The following MED13L variants were observed in gnomAD, a reference collection of about 807,000 sequenced individuals.
MED13L encodes the protein mediator of RNA polymerase II transcription subunit 13-like.
In MED13L, 7 loss-of-function variants were observed where a neutral mutation model predicts 220.9. The ratio of observed to expected loss-of-function variants is 0.03; its 90% CI spans 0.02 to 0.06. The LOEUF (loss-of-function observed/expected upper bound fraction) is 0.06, where lower values mean the gene tolerates loss of function less well. Ranked by LOEUF, MED13L falls within the 10% of genes least tolerant of loss-of-function variation. The probability of loss-of-function intolerance (pLI) is 1.00; values close to 1 mark genes in which losing one functional copy is unlikely to be tolerated. For synonymous variants in MED13L, 1,011 were observed against 1,015.2 expected, an observed-to-expected ratio of 1.00 and a Z score of 0.08; for missense variants, 1,965 against 2,760.5, an observed-to-expected ratio of 0.71 and a Z score of 6.46.
At chr12:116,190,760 A>G (rs1323833664) in intron 2 of MED13L, among the ~76,000 whole-genome samples, 1 of 152,180 alleles carries the variant, frequency 6.6e-6, no homozygotes, top group Non-Finnish European at 1.5e-5. Flanking sequence ...CAATCAAAGT[A>G]TGAGACTTTC....
intron 2 of MED13L, among the ~76,000 whole-genome samples, chr12:116,213,923 A>G (rs1297153142): frequency 6.6e-6 from 1 of 152,196 alleles, no homozygotes. Context: ...CAGAATTTAA[A>G]GTTCGTACCT....
chr12:116,254,189 G>GTACA (rs1871833283), intron 1 of MED13L, among the ~76,000 whole-genome samples: 1 of 152,078 alleles, frequency 6.6e-6, no homozygotes, highest in African/African-American at 2.4e-5. Context: ...AGGTAAGGAT[G>GTACA]TACACTCTTA....
intron 1 of MED13L, among the ~76,000 whole-genome samples, chr12:116,275,100 T>C (rs1873703984): frequency 6.6e-6 from 1 of 152,140 alleles, no homozygotes; most frequent in Non-Finnish European, 1.5e-5. Context: ...CCAGTCAGCA[T>C]AATATATGAT....
At chr12:116,078,163 A>T (rs1870959241) in intron 4 of MED13L, among the ~76,000 whole-genome samples, 1 of 150,256 alleles carries the variant, frequency 6.7e-6, no homozygotes, top group South Asian at 2.1e-4. Flanking sequence ...AAAAAAAAGG[A>T]AGGAAGAAAA....
At chr12:116,083,404 GAAAAAAAA>G (rs61301423) in intron 4 of MED13L, among the ~76,000 whole-genome samples, 65 of 79,378 alleles carry the variant, frequency 8.2e-4, no homozygotes, top group African/African-American at 2.7e-3. Flanking sequence ...TGTCTCGAGG[GAAAAAAAA>G]AAAAAAAAAA....
intron 27 of MED13L, among the ~76,000 whole-genome samples, chr12:115,969,587 T>A (rs949876761): frequency 2.1e-4 from 32 of 152,130 alleles, no homozygotes; most frequent in African/African-American, 7.7e-4. Context: ...CTCTTTTTTT[T>A]TTTTTGAGAT....
rs1877688688 is a variant in MED13L, at chr12:115,986,349, C to T, written c.4255G>A (p.Ala1419Thr). The change falls in exon 19 of 31, where the codon GCC (alanine) becomes ACC (threonine). Residue 1419 changes from alanine to threonine, a missense_variant. By Grantham distance (58) the Ala-to-Thr change is moderately conservative (BLOSUM62 0). Transcript: ENST00000281928. ...TTTTCTGGACACACCACAATATAGG[C>T]AACATCACGGTGGCCCCCATATGGG... Reference protein sequence around the residue: ...LDPYGGHRDVAYIVVCPENEA... With the variant: ...LDPYGGHRDVTYIVVCPENEA... 1.2e-6 allele frequency: 2 copies of T among 1,614,144 alleles called. No individual in the cohort carries two copies. The highest frequency in any genetic ancestry group is 1.7e-6 in the Non-Finnish European group (2 of 1,180,030).
At chr12:116,127,155 AAGAC>A (rs1875660283) in intron 2 of MED13L, among the ~76,000 whole-genome samples, 1 of 152,218 alleles carries the variant, frequency 6.6e-6, no homozygotes, top group African/African-American at 2.4e-5. Flanking sequence ...ATCACTTTAA[AAGAC>A]AGAGTTTTGA....
chr12:116,073,938 T>C (rs1870582948), intron 4 of MED13L, among the ~76,000 whole-genome samples: 1 of 152,212 alleles, frequency 6.6e-6, no homozygotes, highest in Admixed American at 6.5e-5. Flanking sequence ...CAGAGAAGAA[T>C]AAGATGTATC....
intron 2 of MED13L, among the ~76,000 whole-genome samples, chr12:116,170,884 G>A (rs531761372): frequency 8.3e-4 from 126 of 152,270 alleles, no homozygotes; most frequent in African/African-American, 3.0e-3. Context: ...TACAGGGCAT[G>A]AGCTGCAGCA....
chr12:116,062,008 GAAAAAA>G (rs71095507), intron 4 of MED13L, among the ~76,000 whole-genome samples: 3 of 96,614 alleles, frequency 3.1e-5, no homozygotes, highest in African/African-American at 1.2e-4. Flanking sequence ...ACTCCACATC[GAAAAAA>G]AAAAAAAAAA....
chr12:116,270,364 A>T (rs1873199526), intron 1 of MED13L, among the ~76,000 whole-genome samples: 1 of 152,018 alleles, frequency 6.6e-6, no homozygotes, highest in Non-Finnish European at 1.5e-5. Flanking sequence ...GGATGGTCTC[A>T]ATCTCCTGAC....
chr12:116,165,258 CCT>C (rs1491456826), intron 2 of MED13L, among the ~76,000 whole-genome samples: 4 of 116,610 alleles, frequency 3.4e-5, no homozygotes, highest in African/African-American at 1.3e-4. Context: ...TAGGCACCAT[CCT>C]TTTTTTTTTT....
At chr12:115,961,569 A>G in intron 30 of MED13L, 171 bp from the exon 31 acceptor site, 1 of 937,364 alleles carries the variant, frequency 1.1e-6, no homozygotes, top group Non-Finnish European at 1.6e-6. Flanking sequence ...CCTTCTAGAT[A>G]TGGACTATCC....
In MED13L at chr12:115,986,343, T is replaced by C. The variant is rs747089502; in HGVS notation, c.4261A>G (p.Ile1421Val). 20 of 1,613,948 alleles carry C rather than the reference T, an allele frequency of 1.2e-5. No homozygotes were observed. In the East Asian group the frequency reaches 2.5e-4, roughly 20 times the overall value. Residue 1421 changes from isoleucine (I) to valine (V), a missense_variant, in exon 19 of 31, where the codon ATT (isoleucine) becomes GTT (valine). Ile to Val is a conservative substitution (Grantham distance 29, BLOSUM62 3). This residue lies in a region of MED13L where 510 missense variants were observed against 620.4 expected (regional missense o/e 0.82). Coordinates refer to ENST00000281928, the MANE Select transcript of MED13L (RefSeq NM_015335.5). ...GCCTCATTTTCTGGACACACCACAA[T>C]ATAGGCAACATCACGGTGGCCCCCA... is the stretch of plus-strand genomic sequence containing the variant. ...PYGGHRDVAY[I>V]VVCPENEALL...
In MED13L at chr12:116,120,467, TCTCTCTCTCTCA is replaced by T. The variant is rs1448858837; in HGVS notation, c.311-8967_311-8956del. ...CTCTCTCTCTCTCTCTCTCTCTCTCTCTCTCTCTCTCACACACACACACACACACACACACAC... is the reference window on the plus strand; with the variant it reads ...CTCTCTCTCTCTCTCTCTCTCTCTCTCACACACACACACACACACACACAC... On this transcript the variant is annotated intron_variant, in intron 2 of 30. Coordinates refer to ENST00000281928, the MANE Select transcript of MED13L (RefSeq NM_015335.5). 7.3e-3 allele frequency among the ~76,000 whole-genome samples: 997 copies of T among 136,746 alleles called. 4 individuals are homozygous for T. The highest frequency in any genetic ancestry group is 0.024 in the African/African-American group (833 of 34,924). The allele number at this position is 136,746 out of a possible 152,430, so 89.7% of individuals were successfully genotyped here. A position where few individuals can be genotyped will look rare whatever the true frequency, so the allele number is the denominator to read the frequency against.
At chr12:115,987,407 C>A in intron 17 of MED13L, 119 bp from the exon 18 acceptor site, 1 of 926,208 alleles carries the variant, frequency 1.1e-6, no homozygotes, top group Non-Finnish European at 1.7e-6. Flanking sequence ...GTAGTAGATT[C>A]TAAAATATTT....
At chr12:116,198,171 T>TA (rs905645035) in intron 2 of MED13L, among the ~76,000 whole-genome samples, 13 of 151,604 alleles carry the variant, frequency 8.6e-5, no homozygotes, top group East Asian at 1.9e-4. Flanking sequence ...AACTACAATG[T>TA]AAAAAAAAAT....
At chr12:116,033,822 C>T (rs937630197) in intron 4 of MED13L, among the ~76,000 whole-genome samples, 4 of 151,982 alleles carry the variant, frequency 2.6e-5, no homozygotes, top group African/African-American at 9.7e-5. Context: ...TAGAGAAAGC[C>T]CATCTACTGC....
Sources: gnomAD v4.1 joint callset for allele counts (sites outside exome capture counted in the v4.1 genomes callset) on GRCh38, gnomAD v4.1.1 for gene constraint, gnomAD v4.1.1 regional missense constraint, MANE v1.5 for transcripts, NCBI Gene and HGNC (gene_info 2026-07-23, HGNC 2026-07-21) for gene names.